The following LRP1B variants were observed in gnomAD, a reference collection of about 807,000 sequenced individuals.
LRP1B encodes the protein low-density lipoprotein receptor-related protein 1B.
Under a neutral mutation model 556.6 loss-of-function variants are expected in LRP1B, and 217 were observed. The ratio of observed to expected loss-of-function variants is 0.39; its 90% CI spans 0.35 to 0.44. The LOEUF is 0.44. Ranked by LOEUF, LRP1B falls within the 20% of genes least tolerant of loss-of-function variation. The probability of loss-of-function intolerance (pLI) is 1.00; values close to 1 mark genes in which losing one functional copy is unlikely to be tolerated. For synonymous variants in LRP1B, 2,047 were observed against 1,865.8 expected, an observed-to-expected ratio of 1.10 and a Z score of -2.50; for missense variants, 5,053 against 5,620.8, an observed-to-expected ratio of 0.90 and a Z score of 3.23.
At position 141,124,664 on chromosome 2, in the gene LRP1B, G is replaced by GAAAA. The variant is rs570765407; in HGVS notation, c.1014-62395_1014-62392dup. Among the ~76,000 whole-genome samples, 180 of 73,678 alleles carry GAAAA rather than the reference G, an allele frequency of 2.4e-3. 2 individuals are homozygous for GAAAA. The highest frequency in any genetic ancestry group is 6.7e-3 in the African/African-American group (167 of 24,860). The allele number at this position is 73,678 out of a possible 152,430, so 48.3% of individuals were successfully genotyped here. A position where few individuals can be genotyped will look rare whatever the true frequency, so the allele number is the denominator to read the frequency against. On this transcript the variant is annotated intron_variant, in intron 7 of 90. Transcript: ENST00000389484. The stretch of plus-strand genomic sequence containing the variant: ...TCATTGAAGAGATGGAGTGACAAAT[G>GAAAA]AAAAAAAAAAAAAAAAGAAAAAAAT...
rs372835432 is a variant in LRP1B, at chr2:141,691,955, G to T, written c.205+118324C>A. 3.3e-5 allele frequency among the ~76,000 whole-genome samples: 5 copies of T among 151,850 alleles called. No individual in the cohort carries two copies. The East Asian group carries it at 7.8e-4, about 24-fold the overall frequency. On this transcript the variant is annotated intron_variant, in intron 2 of 90. Transcript: ENST00000389484. ...CACTTGTCTTATAGTTGATATCTCA[G>T]CAAACATCATGAATATCCTTTCTTT...
chr2:142,062,958 G>T (rs1704976632), intron 1 of LRP1B, among the ~76,000 whole-genome samples: 1 of 148,064 alleles, frequency 6.8e-6, no homozygotes, highest in Non-Finnish European at 1.5e-5. Flanking sequence ...CTATCTAAAA[G>T]ATGGAAGCAT....
intron 2 of LRP1B, among the ~76,000 whole-genome samples, chr2:141,694,069 A>G (rs1691643406): frequency 6.6e-6 from 1 of 152,010 alleles, no homozygotes; most frequent in Non-Finnish European, 1.5e-5. Flanking sequence ...AAGATCGCGG[A>G]ATGTAAATTC....
At chr2:141,902,591 C>G (rs1300200210) in intron 1 of LRP1B, among the ~76,000 whole-genome samples, 2 of 151,978 alleles carry the variant, frequency 1.3e-5, no homozygotes, top group East Asian at 3.9e-4. Flanking sequence ...GCCAGTATTG[C>G]TTGCTTCATA....
At chr2:141,018,381 G>A (rs565901082) in intron 12 of LRP1B, among the ~76,000 whole-genome samples, 4 of 152,058 alleles carry the variant, frequency 2.6e-5, no homozygotes, top group Admixed American at 2.0e-4. Context: ...GACATGACAG[G>A]GATGCAGATA....
At position 140,710,887 on chromosome 2, in the gene LRP1B, G is replaced by T. The variant is rs544604245; in HGVS notation, c.6023+5086C>A. Among the ~76,000 whole-genome samples the T allele has an allele frequency of 9.2e-5, 14 of 152,168 alleles. No homozygotes were observed. The South Asian group carries it at 2.9e-3, about 32-fold the overall frequency. On this transcript the variant is annotated intron_variant, in intron 37 of 90. Transcript: ENST00000389484. ...GTTCAATGATGAGACAATGGATATA[G>T]ATCATGATTCTGAGAAGTTGAGAAG...
intron 52 of LRP1B, among the ~76,000 whole-genome samples, chr2:140,508,774 A>G (rs1391218680): frequency 6.6e-6 from 1 of 152,170 alleles, no homozygotes; most frequent in Non-Finnish European, 1.5e-5. Flanking sequence ...ATTTTAACGG[A>G]ATGTACTTAA....
intron 70 of LRP1B, 93 bp downstream of exon 70, chr2:140,371,086 G>C: frequency 1.1e-6 from 1 of 913,798 alleles, no homozygotes; most frequent in South Asian, 2.1e-5. Flanking sequence ...ACCATGCTAA[G>C]AATCAAGATT....
intron 83 of LRP1B, among the ~76,000 whole-genome samples, chr2:140,314,335 T>C (rs1310003696): frequency 6.6e-6 from 1 of 152,062 alleles, no homozygotes; most frequent in Non-Finnish European, 1.5e-5. Flanking sequence ...GAAGAATATG[T>C]TTCTATGTTC....
intron 13 of LRP1B, among the ~76,000 whole-genome samples, chr2:141,015,214 G>A (rs1305582798): frequency 6.6e-6 from 1 of 151,990 alleles, no homozygotes; most frequent in East Asian, 1.9e-4. Flanking sequence ...AAAGCAAGAG[G>A]AAACTGATAC....
chr2:140,441,940 G>C (rs1573942853), intron 66 of LRP1B, among the ~76,000 whole-genome samples: 1 of 151,982 alleles, frequency 6.6e-6, no homozygotes, highest in African/African-American at 2.4e-5. Context: ...CCATTTCTGC[G>C]ATAACAATTA....
chr2:140,883,396 G>A (rs919895285), intron 25 of LRP1B, among the ~76,000 whole-genome samples: 3 of 152,092 alleles, frequency 2.0e-5, no homozygotes, highest in African/African-American at 7.2e-5. Flanking sequence ...AAAGGGTGAA[G>A]TGGCTAACAT....
At chr2:140,465,926 A>G (rs577221127) in intron 60 of LRP1B, among the ~76,000 whole-genome samples, 1 of 152,158 alleles carries the variant, frequency 6.6e-6, no homozygotes, top group East Asian at 1.9e-4. Context: ...ATTGTATTGT[A>G]AACAGCAGCA....
intron 3 of LRP1B, among the ~76,000 whole-genome samples, chr2:141,374,124 G>A (rs1014187047): frequency 2.6e-5 from 4 of 151,970 alleles, no homozygotes; most frequent in African/African-American, 4.8e-5. Context: ...TTCAGGCAGG[G>A]TATGTTTATA....
chr2:141,750,685 GT>G (rs1450623887), intron 2 of LRP1B, among the ~76,000 whole-genome samples: 1 of 152,010 alleles, frequency 6.6e-6, no homozygotes, highest in African/African-American at 2.4e-5. Flanking sequence ...GATTATATTA[GT>G]TTTTTTATTG....
At chr2:140,486,868 C>T (rs1034253376) in intron 58 of LRP1B, among the ~76,000 whole-genome samples, 7 of 151,804 alleles carry the variant, frequency 4.6e-5, no homozygotes, top group African/African-American at 1.7e-4. Context: ...TGTACATGCA[C>T]ACTTTAAGAT....
chr2:140,840,759 C>T (rs1692075986), intron 30 of LRP1B, among the ~76,000 whole-genome samples, 159 bp downstream of exon 30: 1 of 152,032 alleles, frequency 6.6e-6, no homozygotes, highest in African/African-American at 2.4e-5. Flanking sequence ...TAATAAAACT[C>T]TAACCAGGAA....
intron 1 of LRP1B, among the ~76,000 whole-genome samples, chr2:142,061,930 T>C (rs1474796894): frequency 6.6e-6 from 1 of 151,906 alleles, no homozygotes; most frequent in East Asian, 1.9e-4. Context: ...ACTTGTACCC[T>C]GGTGAATGTC....
intron 3 of LRP1B, among the ~76,000 whole-genome samples, chr2:141,449,141 G>A (rs908374510): frequency 5.3e-5 from 8 of 151,988 alleles, no homozygotes; most frequent in Non-Finnish European, 8.8e-5. Context: ...ATATTACTTG[G>A]CAAGATATTC....
Sources: gnomAD v4.1 joint callset for allele counts (sites outside exome capture counted in the v4.1 genomes callset) on GRCh38, gnomAD v4.1.1 for gene constraint, MANE v1.5 for transcripts, NCBI Gene and HGNC (gene_info 2026-07-23, HGNC 2026-07-21) for gene names.